TMEM232: variants seen among roughly 807,000 people sequenced by gnomAD.
TMEM232 encodes the protein transmembrane protein 232.
TMEM232 carries 80 observed loss-of-function variants against 78.8 expected under a neutral mutation model. The ratio of observed to expected loss-of-function variants is 1.01; its 90% CI spans 0.85 to 1.22. The LOEUF is 1.22. Ranked by LOEUF, TMEM232 falls within the 50% of genes most tolerant of loss-of-function variation. The pLI is 0.00. For missense variants in TMEM232, 881 were observed against 742.2 expected (o/e 1.19, Z -2.17); for synonymous variants, 297 against 254.3 (o/e 1.17, Z -1.60).
At chr5:110,595,056 A>G (rs1481312508) in intron 10 of TMEM232, among the ~76,000 whole-genome samples, 1 of 152,172 alleles carries the variant, frequency 6.6e-6, no homozygotes, top group East Asian at 1.9e-4. Context: ...CCCCTCTGGG[A>G]TGAAGCTACC....
intron 8 of TMEM232, among the ~76,000 whole-genome samples, chr5:110,611,066 A>G (rs1243905134): frequency 1.3e-5 from 2 of 152,146 alleles, no homozygotes; most frequent in Admixed American, 1.3e-4. Flanking sequence ...AATTTTATAA[A>G]TATGACCAAA....
At chr5:110,438,769 T>C (rs1189444856) in intron 12 of TMEM232, among the ~76,000 whole-genome samples, 1 of 152,094 alleles carries the variant, frequency 6.6e-6, no homozygotes, top group Non-Finnish European at 1.5e-5. Flanking sequence ...ATTAACAAAA[T>C]TAGATCTGAA....
At chr5:110,594,607 C>T (rs373731845) in intron 10 of TMEM232, among the ~76,000 whole-genome samples, 4 of 152,114 alleles carry the variant, frequency 2.6e-5, no homozygotes, top group East Asian at 1.9e-4. Context: ...CTGGGAGGAT[C>T]GAGCTTCATG....
intron 1 of TMEM232, among the ~76,000 whole-genome samples, chr5:110,673,865 C>G (rs1050425199): frequency 6.6e-6 from 1 of 151,778 alleles, no homozygotes; most frequent in Non-Finnish European, 1.5e-5. Context: ...AGATTGTATA[C>G]TTTTTGCCAG....
intron 1 of TMEM232, among the ~76,000 whole-genome samples, chr5:110,676,662 G>T (rs74613238): frequency 0.017 from 2,574 of 151,970 alleles, 43 homozygotes; most frequent in Admixed American, 0.04. Context: ...GAGCTCAAGA[G>T]ATCCACTCCC....
intron 12 of TMEM232, among the ~76,000 whole-genome samples, chr5:110,525,331 A>G (rs1770413966): frequency 6.6e-6 from 1 of 152,028 alleles, no homozygotes; most frequent in Non-Finnish European, 1.5e-5. Context: ...ACTTAAATTC[A>G]ATGACTGAAT....
chr5:110,595,380 G>A (rs867075522), intron 10 of TMEM232, among the ~76,000 whole-genome samples: 1 of 152,066 alleles, frequency 6.6e-6, no homozygotes, highest in East Asian at 1.9e-4. Context: ...CCAAATGATC[G>A]CAACTCCTTT....
intron 7 of TMEM232, among the ~76,000 whole-genome samples, chr5:110,620,580 T>A (rs1199314243): frequency 4.7e-4 from 1 of 2,116 alleles, no homozygotes; most frequent in Non-Finnish European, 3.4e-3. Flanking sequence ...CTCTCATATC[T>A]CTCTCTCTCT....
In TMEM232 at chr5:110,571,902, T is replaced by G. The variant is rs1214244998; in HGVS notation, c.1277-3277A>C. On this transcript the variant is annotated intron_variant, in intron 10 of 13. Coordinates refer to ENST00000455884, the MANE Select transcript of TMEM232 (RefSeq NM_001039763.4). ...GTTTGAGGAAGGGAGTAACGTTATG[T>G]CTGCTCAATGCAATGTCATGTTTAT... Among the ~76,000 whole-genome samples, 3 of 152,000 alleles carry G rather than the reference T, an allele frequency of 2.0e-5. No individual in the cohort carries two copies. In the East Asian group the frequency reaches 5.8e-4, roughly 29 times the overall value.
At chr5:110,532,997 C>T (rs959040135) in intron 11 of TMEM232, among the ~76,000 whole-genome samples, 1 of 152,194 alleles carries the variant, frequency 6.6e-6, no homozygotes, top group Non-Finnish European at 1.5e-5. Context: ...ATCAACCAAA[C>T]TGTTTTGCCT....
At chr5:110,590,744 TAA>T (rs1554052447) in intron 10 of TMEM232, among the ~76,000 whole-genome samples, 2 of 152,114 alleles carry the variant, frequency 1.3e-5, no homozygotes, top group Non-Finnish European at 2.9e-5. Context: ...AATTTATAAA[TAA>T]AAGAGGTTTT....
At chr5:110,651,742 T>G (rs1481600314) in intron 2 of TMEM232, among the ~76,000 whole-genome samples, 1 of 151,864 alleles carries the variant, frequency 6.6e-6, no homozygotes, top group Non-Finnish European at 1.5e-5. Context: ...TGACAGGAAT[T>G]AGAGCATGTT....
At chr5:110,479,017 A>G (rs1338297743) in intron 12 of TMEM232, among the ~76,000 whole-genome samples, 1 of 148,226 alleles carries the variant, frequency 6.7e-6, no homozygotes, top group East Asian at 2.0e-4. Flanking sequence ...GGTTAGGTCT[A>G]CATTACTGTG....
intron 12 of TMEM232, among the ~76,000 whole-genome samples, chr5:110,443,070 G>A (rs1759244542): frequency 6.6e-6 from 1 of 152,152 alleles, no homozygotes; most frequent in Non-Finnish European, 1.5e-5. Flanking sequence ...AAGGCATACT[G>A]TAACCGCTGC....
chr5:110,597,835 C>T (rs1780366070), intron 10 of TMEM232, among the ~76,000 whole-genome samples: 1 of 152,082 alleles, frequency 6.6e-6, no homozygotes, highest in Non-Finnish European at 1.5e-5. Flanking sequence ...AACTGGATCC[C>T]TTCCCTACAC....
chr5:110,618,882 A>C (rs1783280610), intron 7 of TMEM232, among the ~76,000 whole-genome samples: 1 of 152,198 alleles, frequency 6.6e-6, no homozygotes, highest in African/African-American at 2.4e-5. Context: ...TATGTGACTT[A>C]GTTCTCCCTG....
chr5:110,523,340 CTT>C (rs1343103537), intron 12 of TMEM232, among the ~76,000 whole-genome samples: 1 of 150,910 alleles, frequency 6.6e-6, no homozygotes, highest in African/African-American at 2.5e-5. Context: ...AAAAAACTAA[CTT>C]TTGACTCTTT....
Position 110,528,459 on chromosome 5 carries a change from T to C in TMEM232, c.1703+129A>G, listed in dbSNP as rs2149527428. The C allele has an allele frequency of 5.3e-6, 5 of 935,950 alleles. No homozygotes were observed. In the East Asian group the frequency reaches 1.2e-4, roughly 22 times the overall value. 58.0% of individuals were successfully genotyped at this position (935,950 alleles called of 1,614,324 possible). A position where few individuals can be genotyped will look rare whatever the true frequency, so the allele number is the denominator to read the frequency against. On this transcript the variant is annotated intron_variant, in intron 12 of 13. Transcript: ENST00000455884. ...GCTCAATGATAGATCATCTAAGAGGTGATCAAGCCAAAATTTGAATTGAAG... is the reference window on the plus strand; with the variant it reads ...GCTCAATGATAGATCATCTAAGAGGCGATCAAGCCAAAATTTGAATTGAAG...
chr5:110,430,810 T>A (rs1018838944), intron 12 of TMEM232, among the ~76,000 whole-genome samples: 7 of 151,750 alleles, frequency 4.6e-5, no homozygotes, highest in African/African-American at 1.7e-4. Flanking sequence ...ACCTGACAGA[T>A]AACAAATGCT....
Sources: gnomAD v4.1 joint callset for allele counts (sites outside exome capture counted in the v4.1 genomes callset) on GRCh38, gnomAD v4.1.1 for gene constraint, MANE v1.5 for transcripts, NCBI Gene and HGNC (gene_info 2026-07-23, HGNC 2026-07-21) for gene names.